Variants in CNTNAP2 observed in about 807,000 individuals in gnomAD.
CNTNAP2 encodes contactin-associated protein-like 2.
A neutral mutation model predicts 155.2 loss-of-function variants in CNTNAP2; 98 were observed. The observed-to-expected ratio is 0.63, with a 90% CI of 0.54 to 0.75. The LOEUF is 0.75. Among genes scored for constraint, CNTNAP2 ranks in the 30% least tolerant of loss-of-function variants. The pLI, the probability that CNTNAP2 is intolerant of heterozygous loss-of-function variation, is 0.00. For missense variants in CNTNAP2, 1,727 were observed against 1,688.1 expected, an observed-to-expected ratio of 1.02 and a Z score of -0.40; for synonymous variants, 651 against 631.2, an observed-to-expected ratio of 1.03 and a Z score of -0.47.
chr7:147,170,426 T>C (rs778085032), intron 8 of CNTNAP2, among the ~76,000 whole-genome samples: 1 of 151,894 alleles, frequency 6.6e-6, no homozygotes, highest in Non-Finnish European at 1.5e-5. Flanking sequence ...GTGGCTTTGT[T>C]TGTTTGTTTG....
intron 10 of CNTNAP2, among the ~76,000 whole-genome samples, chr7:147,449,287 A>G (rs1156229914): frequency 6.6e-6 from 1 of 152,122 alleles, no homozygotes; most frequent in Non-Finnish European, 1.5e-5. Context: ...TAAAATGCAA[A>G]AGCATGACTG....
chr7:147,619,079 T>G (rs1801346189), intron 12 of CNTNAP2, among the ~76,000 whole-genome samples: 1 of 152,118 alleles, frequency 6.6e-6, no homozygotes, highest in Non-Finnish European at 1.5e-5. Context: ...CAAAATAAAT[T>G]GTGACAATTT....
chr7:147,275,501 A>G (rs1804876080), intron 8 of CNTNAP2, among the ~76,000 whole-genome samples: 1 of 151,968 alleles, frequency 6.6e-6, no homozygotes, highest in Non-Finnish European at 1.5e-5. Flanking sequence ...GGTGTATAGA[A>G]ATGATACTGA....
chr7:146,482,906 A>G (rs1796985085), intron 1 of CNTNAP2, among the ~76,000 whole-genome samples: 1 of 152,108 alleles, frequency 6.6e-6, no homozygotes, highest in Admixed American at 6.5e-5. Flanking sequence ...GTCCATAAAC[A>G]TTTAAATTAT....
intron 17 of CNTNAP2, among the ~76,000 whole-genome samples, chr7:148,151,306 G>A (rs1445331667): frequency 6.6e-6 from 1 of 151,996 alleles, no homozygotes; most frequent in East Asian, 1.9e-4. Flanking sequence ...ATTAATAATA[G>A]TAGTAGTAGT....
intron 22 of CNTNAP2, among the ~76,000 whole-genome samples, chr7:148,401,389 A>G (rs183566355): frequency 1.3e-3 from 196 of 152,354 alleles, no homozygotes; most frequent in African/African-American, 4.5e-3. Flanking sequence ...GTCACAATCA[A>G]TACTTTACAA....
rs1458984478 is a variant in CNTNAP2, at chr7:146,708,042, A to G, written c.98-66229A>G. 3.9e-5 allele frequency among the ~76,000 whole-genome samples: 6 copies of G among 152,132 alleles called. No homozygotes were observed. The South Asian group carries it at 8.3e-4, about 21-fold the overall frequency. ...TTCTTACGCCAAAAATAAAGTTACT[A>G]TATTCACACCTGAGGCCTGAGAAGT... On this transcript the variant is annotated intron_variant, in intron 1 of 23. Transcript: ENST00000361727.
chr7:147,214,556 G>A (rs181912336), intron 8 of CNTNAP2, among the ~76,000 whole-genome samples: 135 of 152,110 alleles, frequency 8.9e-4, no homozygotes, highest in Non-Finnish European at 1.2e-3. Context: ...ATTAAAGATG[G>A]TTTGCTTATA....
intron 8 of CNTNAP2, among the ~76,000 whole-genome samples, chr7:147,224,985 C>G (rs1271865246): frequency 2.0e-5 from 3 of 152,128 alleles, no homozygotes; most frequent in African/African-American, 7.2e-5. Flanking sequence ...TTTTTAAAAG[C>G]AAATCTCCCT....
intron 15 of CNTNAP2, among the ~76,000 whole-genome samples, chr7:148,030,865 G>A (rs145768374): frequency 2.0e-5 from 3 of 152,122 alleles, no homozygotes; most frequent in South Asian, 2.1e-4. Context: ...TTTCATCTGA[G>A]TCAGGAGGAA....
At chr7:146,873,205 T>G (rs1795350067) in intron 3 of CNTNAP2, among the ~76,000 whole-genome samples, 1 of 152,204 alleles carries the variant, frequency 6.6e-6, no homozygotes, top group Non-Finnish European at 1.5e-5. Context: ...AAACTAACAT[T>G]ACTGGAAGTA....
chr7:147,198,267 G>A (rs1342908523), intron 8 of CNTNAP2, among the ~76,000 whole-genome samples: 4 of 119,710 alleles, frequency 3.3e-5, no homozygotes, highest in Admixed American at 2.3e-4. Context: ...ACGAAGTCTC[G>A]TAGGCCCGGG....
intron 2 of CNTNAP2, among the ~76,000 whole-genome samples, chr7:146,837,730 A>G (rs1225040296): frequency 6.6e-6 from 1 of 152,164 alleles, no homozygotes; most frequent in African/African-American, 2.4e-5. Context: ...ATTTTTGGTC[A>G]GATTTATCTT....
chr7:147,423,394 A>G (rs1331549624), intron 10 of CNTNAP2, among the ~76,000 whole-genome samples: 2 of 152,200 alleles, frequency 1.3e-5, no homozygotes, highest in Non-Finnish European at 2.9e-5. Flanking sequence ...TATGATGAAC[A>G]GACCTTGAAT....
intron 16 of CNTNAP2, among the ~76,000 whole-genome samples, chr7:148,127,746 G>A (rs567790259): frequency 1.3e-5 from 2 of 152,336 alleles, no homozygotes; most frequent in South Asian, 4.1e-4. Flanking sequence ...TTGTAGATGT[G>A]AAGAATGTCT....
chr7:146,842,585 T>C (rs538938661), intron 3 of CNTNAP2, among the ~76,000 whole-genome samples: 18 of 152,236 alleles, frequency 1.2e-4, no homozygotes, highest in Non-Finnish European at 2.6e-4. Flanking sequence ...AGCATGGCTT[T>C]GGAGGCCTCA....
chr7:148,026,506 T>C (rs1240612528), intron 15 of CNTNAP2, among the ~76,000 whole-genome samples: 1 of 152,132 alleles, frequency 6.6e-6, no homozygotes, highest in Admixed American at 6.5e-5. Flanking sequence ...TAAAGCATTC[T>C]GTGTAGGGGG....
At chr7:147,926,051 A>G (rs1447492966) in intron 14 of CNTNAP2, among the ~76,000 whole-genome samples, 19 of 152,234 alleles carry the variant, frequency 1.2e-4, no homozygotes, top group Admixed American at 5.9e-4. Context: ...TGACACTGTG[A>G]AAACAAATAT....
intron 1 of CNTNAP2, among the ~76,000 whole-genome samples, chr7:146,330,008 C>CTTT (rs1294271211): frequency 9.7e-6 from 1 of 103,254 alleles, no homozygotes; most frequent in African/African-American, 5.1e-5. Flanking sequence ...TCAACAAGTA[C>CTTT]TTTCTTTTTT....
Sources: allele counts gnomAD v4.1 joint callset (sites outside exome capture counted in the v4.1 genomes callset), GRCh38; gene constraint gnomAD v4.1.1; transcripts MANE v1.5; gene names NCBI Gene and HGNC (gene_info 2026-07-23, HGNC 2026-07-21).